STAG1: variants seen among roughly 807,000 people sequenced by gnomAD.
STAG1 encodes the protein STAG1 cohesin complex component, also known as cohesin subunit SA-1.
A neutral mutation model predicts 170.9 loss-of-function variants in STAG1; 26 were observed. That is an observed-to-expected ratio of 0.15 (90% confidence interval 0.11 to 0.21). The LOEUF is 0.21. Ranked by LOEUF, STAG1 falls within the 10% of genes least tolerant of loss-of-function variation. The pLI, the probability that STAG1 is intolerant of heterozygous loss-of-function variation, is 1.00. For synonymous variants in STAG1, 514 were observed against 497.7 expected (o/e 1.03, Z -0.44); for missense variants, 964 against 1,509.5 (o/e 0.64, Z 5.99).
At position 136,403,332 on chromosome 3, in the gene STAG1, G is replaced by T. The variant is rs559860230; in HGVS notation, c.2197-4503C>A. On this transcript the variant is annotated intron_variant, in intron 21 of 33. Transcript: ENST00000383202. ...AGGAATAAGTGGTGCGCTGCCTTTG[G>T]TGCAAAATTAATGAGATGATGTCAG... 1.3e-5 allele frequency among the ~76,000 whole-genome samples: 2 copies of T among 150,856 alleles called. 1 individual carries two copies. The highest frequency in any genetic ancestry group is 2.9e-5 in the Non-Finnish European group (2 of 67,798).
chr3:136,364,793 G>A (rs1937013518), intron 25 of STAG1, among the ~76,000 whole-genome samples: 1 of 152,166 alleles, frequency 6.6e-6, no homozygotes, highest in South Asian at 2.1e-4. Context: ...TACAGCCTAT[G>A]TGAAGAAGTG....
At chr3:136,374,945 G>C (rs933612504) in intron 23 of STAG1, among the ~76,000 whole-genome samples, 2 of 151,810 alleles carry the variant, frequency 1.3e-5, no homozygotes, top group African/African-American at 4.8e-5. Context: ...CTGTATTTTA[G>C]ATATGTTTAG....
intron 16 of STAG1, among the ~76,000 whole-genome samples, chr3:136,426,794 C>T (rs1431946914): frequency 2.0e-5 from 3 of 151,820 alleles, no homozygotes; most frequent in Admixed American, 6.6e-5. Context: ...ACCGGCTGAG[C>T]GTGGTGGCTC....
At chr3:136,691,161 C>T (rs1019918558) in intron 1 of STAG1, among the ~76,000 whole-genome samples, 7 of 151,644 alleles carry the variant, frequency 4.6e-5, no homozygotes, top group African/African-American at 9.7e-5. Context: ...ATTGTTTGGG[C>T]GCAGTGGCTC....
At chr3:136,666,897 A>C (rs1235119505) in intron 1 of STAG1, among the ~76,000 whole-genome samples, 1 of 152,188 alleles carries the variant, frequency 6.6e-6, no homozygotes, top group East Asian at 1.9e-4. Context: ...AATGAAGAAG[A>C]CAATATAAGC....
chr3:136,403,224 T>TAAAAAAAAAAAGAAAA (rs2087382464), intron 21 of STAG1, among the ~76,000 whole-genome samples: 1 of 33,600 alleles, frequency 3.0e-5, no homozygotes, highest in Non-Finnish European at 4.7e-5. Context: ...GAGACTGTCT[T>TAAAAAAAAAAAGAAAA]AAAAAAAAAA....
intron 9 of STAG1, among the ~76,000 whole-genome samples, chr3:136,486,412 A>G (rs996518068): frequency 6.6e-6 from 1 of 152,236 alleles, no homozygotes; most frequent in Non-Finnish European, 1.5e-5. Flanking sequence ...AAAACAAGCT[A>G]ACAGTAGCAA....
intron 1 of STAG1, among the ~76,000 whole-genome samples, chr3:136,637,623 A>G (rs1940622440): frequency 6.6e-6 from 1 of 152,206 alleles, no homozygotes; most frequent in Admixed American, 6.5e-5. Context: ...CTGAGTTCTC[A>G]TACCACGTAT....
At chr3:136,648,570 G>T (rs1410137429) in intron 1 of STAG1, among the ~76,000 whole-genome samples, 3 of 152,042 alleles carry the variant, frequency 2.0e-5, no homozygotes, top group Non-Finnish European at 4.4e-5. Flanking sequence ...TCCAAAACAA[G>T]AACCTAAGTA....
chr3:136,487,131 A>AC (rs2090033818), intron 9 of STAG1, among the ~76,000 whole-genome samples: 1 of 146,964 alleles, frequency 6.8e-6, no homozygotes, highest in Admixed American at 6.9e-5. Context: ...CCCTCCCCTC[A>AC]CCCCCAACTC....
chr3:136,551,650 T>C (rs1576598327), intron 5 of STAG1, among the ~76,000 whole-genome samples: 2 of 151,808 alleles, frequency 1.3e-5, no homozygotes, highest in South Asian at 2.1e-4. Context: ...TCTTGCTCTG[T>C]TGCCCAGGCT....
At chr3:136,464,700 G>C (rs774814802) in intron 13 of STAG1, among the ~76,000 whole-genome samples, 181 bp downstream of exon 13, 6 of 152,196 alleles carry the variant, frequency 3.9e-5, no homozygotes, top group Non-Finnish European at 5.9e-5. Flanking sequence ...ACAAGGTACA[G>C]CATCCTCAAG....
chr3:136,404,933 A>T (rs2655008), intron 21 of STAG1, among the ~76,000 whole-genome samples: 112,518 of 151,716 alleles, frequency 0.74, 41,776 homozygotes, highest in East Asian at 0.86. Flanking sequence ...ATGTTTAAAA[A>T]CCTAAAAATC....
intron 1 of STAG1, among the ~76,000 whole-genome samples, chr3:136,636,200 A>C (rs1259881743): frequency 6.6e-6 from 1 of 152,082 alleles, no homozygotes; most frequent in Non-Finnish European, 1.5e-5. Context: ...GTGAGCCGAG[A>C]CCACGCCATT....
chr3:136,431,366 G>A (rs993295069), intron 16 of STAG1, among the ~76,000 whole-genome samples: 9 of 151,938 alleles, frequency 5.9e-5, no homozygotes, highest in African/African-American at 1.7e-4. Flanking sequence ...TCTGCCTCCC[G>A]GGTTCAAGAG....
chr3:136,550,030 G>A lies in STAG1; in HGVS notation c.395-7835C>T, dbSNP rs139371928. ...TGTTAAATTTGGTTGCTAGTCTTTT[G>A]TTTAGGACTTTTTGCATATATACTC... is the stretch of plus-strand genomic sequence containing the variant. On this transcript the variant is annotated intron_variant, in intron 5 of 33. Coordinates refer to ENST00000383202, the MANE Select transcript of STAG1 (RefSeq NM_005862.3). Among the ~76,000 whole-genome samples, 441 of 152,160 alleles carry A rather than the reference G, an allele frequency of 2.9e-3. 15 individuals carry two copies. Among genetic ancestry groups the A allele is most frequent in the Admixed American group, 0.026 (400 of 15,286 alleles).
chr3:136,567,625 G>T (rs1937131251), intron 5 of STAG1, among the ~76,000 whole-genome samples: 1 of 152,142 alleles, frequency 6.6e-6, no homozygotes, highest in Non-Finnish European at 1.5e-5. Flanking sequence ...GTGTCTTGTG[G>T]CTGGGGACAC....
intron 16 of STAG1, among the ~76,000 whole-genome samples, chr3:136,432,310 A>G (rs2088326636): frequency 6.6e-6 from 1 of 152,046 alleles, no homozygotes. Context: ...TAATTCTTTG[A>G]ATATACTTAT....
chr3:136,338,110 T>C lies in STAG1; in HGVS notation c.*144A>G. On this transcript the variant is annotated 3_prime_UTR_variant, in exon 34 of 34. Transcript: ENST00000383202. ...AATTTACATGCTCCTCTTCTGTCAC[T>C]GCAAAAAGGGATTGACCTTAATCAT... 3.2e-6 allele frequency: 2 copies of C among 622,338 alleles called. No individual in the cohort carries two copies. The highest frequency in any genetic ancestry group is 4.3e-5 in the South Asian group (2 of 46,906). The allele number at this position is 622,338 out of a possible 1,614,324, so 38.6% of individuals were successfully genotyped here. A position where few individuals can be genotyped will look rare whatever the true frequency, so the allele number is the denominator to read the frequency against.
Sources: gnomAD v4.1 joint callset for allele counts (sites outside exome capture counted in the v4.1 genomes callset) on GRCh38, gnomAD v4.1.1 for gene constraint, MANE v1.5 for transcripts, NCBI Gene and HGNC (gene_info 2026-07-23, HGNC 2026-07-21) for gene names.